The following PCDHA11 variants were observed in gnomAD, a reference collection of about 807,000 sequenced individuals.
PCDHA11 encodes protocadherin alpha-11.
A neutral mutation model predicts 70.3 loss-of-function variants in PCDHA11; 61 were observed. The observed-to-expected ratio is 0.87, with a 90% CI of 0.71 to 1.07. The LOEUF (loss-of-function observed/expected upper bound fraction) is 1.07. Ranked by LOEUF, PCDHA11 falls within the 50% of genes least tolerant of loss-of-function variation. The pLI is 0.00. For missense variants in PCDHA11, 1,324 were observed against 1,237.5 expected, an observed-to-expected ratio of 1.07 and a Z score of -1.05; for synonymous variants, 633 against 555.1, an observed-to-expected ratio of 1.14 and a Z score of -1.97.
intron 1 of PCDHA11, among the ~76,000 whole-genome samples, chr5:140,926,033 G>A (rs1554203080): frequency 6.6e-6 from 1 of 152,070 alleles, no homozygotes; most frequent in Non-Finnish European, 1.5e-5. Flanking sequence ...AGTTTGATGC[G>A]GACACTATTC....
chr5:140,870,917 G>A lies in PCDHA11; in HGVS notation c.1814G>A (p.Trp605Ter). The change falls in exon 1 of 4, where the codon TGG (tryptophan) becomes TAG (stop). Residue 605 changes from tryptophan to a stop codon, truncating the protein, a stop_gained. Transcript: ENST00000398640. LOFTEE classifies it high-confidence loss of function. ...GATGCGGACTCAGGCTACAACGCGTGGCTTTCATATGAATTGCAGCCGGCG... is the reference window on the plus strand; with the variant it reads ...GATGCGGACTCAGGCTACAACGCGTAGCTTTCATATGAATTGCAGCCGGCG... ...AVDADSGYNA[W>*]LSYELQPAAG... 6.2e-7 allele frequency: 1 copy of A among 1,613,936 alleles called. No homozygotes were observed. The highest frequency in any genetic ancestry group is 8.5e-7 in the Non-Finnish European group (1 of 1,179,896).
intron 1 of PCDHA11, chr5:140,883,535 C>A: frequency 6.2e-7 from 1 of 1,614,248 alleles, no homozygotes; most frequent in South Asian, 1.1e-5. Flanking sequence ...AGCCTATGAA[C>A]TGGTGGTGAC....
intron 1 of PCDHA11, among the ~76,000 whole-genome samples, chr5:140,958,853 G>T (rs897789588): frequency 1.3e-5 from 2 of 151,804 alleles, no homozygotes; most frequent in Non-Finnish European, 2.9e-5. Context: ...AGTGTCTTTG[G>T]TTTACTGGGT....
intron 1 of PCDHA11, chr5:140,877,128 G>C (rs782052511): frequency 3.1e-6 from 5 of 1,613,762 alleles, no homozygotes; most frequent in Non-Finnish European, 4.2e-6. Flanking sequence ...TGACGCTGCA[G>C]GTGTTCGTGC....
At chr5:140,927,925 C>G in intron 1 of PCDHA11, 4 of 1,614,214 alleles carry the variant, frequency 2.5e-6, no homozygotes, top group Non-Finnish European at 8.5e-7. Flanking sequence ...CTTCCTGACT[C>G]TTTCGAACCC....
intron 1 of PCDHA11, chr5:140,877,387 G>A: frequency 6.2e-7 from 1 of 1,614,010 alleles, no homozygotes; most frequent in Non-Finnish European, 8.5e-7. Flanking sequence ...CATCCTGGAT[G>A]AGGCGGACGC....
intron 3 of PCDHA11, among the ~76,000 whole-genome samples, chr5:140,985,288 A>G (rs1007960248): frequency 1.3e-5 from 2 of 152,112 alleles, no homozygotes; most frequent in African/African-American, 4.8e-5. Flanking sequence ...AATCTATGAT[A>G]TAGTGTTGGC....
At position 140,870,252 on chromosome 5, in the gene PCDHA11, GGTGACCT is replaced by G; in HGVS notation, c.1151_1157del (p.Val384AlafsTer3). The G allele has an allele frequency of 3.1e-6, 5 of 1,614,198 alleles. No homozygotes were observed. The highest frequency in any genetic ancestry group is 4.2e-6 in the Non-Finnish European group (5 of 1,180,040). Reference sequence around the variant, plus strand: ...ACCGTGACTCAGGTGTCAACGGACAGGTGACCTGCTCGCTGACGCCCCACGTTCCCTT... The same window carrying G: ...ACCGTGACTCAGGTGTCAACGGACAGGCTCGCTGACGCCCCACGTTCCCTT... On this transcript the variant is annotated frameshift_variant, in exon 1 of 4. Transcript: ENST00000398640. LOFTEE classifies it high-confidence loss of function.
chr5:141,006,448 C>T lies in PCDHA11; in HGVS notation c.2540-3179C>T, dbSNP rs968765348. ...CAGGATGGTCTCAATCTCCTGACCT[C>T]GAGATCTGCCTGTCTCGGCCTCCCA... On this transcript the variant is annotated intron_variant, in intron 3 of 3. Coordinates refer to ENST00000398640, the MANE Select transcript of PCDHA11 (RefSeq NM_018902.5). Among the ~76,000 whole-genome samples, 4 of 152,122 alleles carry T rather than the reference C, an allele frequency of 2.6e-5. No homozygotes were observed. In the East Asian group the frequency reaches 7.7e-4, roughly 29 times the overall value.
chr5:140,917,324 C>CGGGGG (rs1299895515), intron 1 of PCDHA11, among the ~76,000 whole-genome samples: 1 of 76,186 alleles, frequency 1.3e-5, no homozygotes, highest in Non-Finnish European at 2.9e-5. Flanking sequence ...GTTCATGTGG[C>CGGGGG]GGGGGAGGGG....
At chr5:140,959,494 T>G (rs2153722388) in intron 1 of PCDHA11, among the ~76,000 whole-genome samples, 1 of 152,286 alleles carries the variant, frequency 6.6e-6, no homozygotes, top group South Asian at 2.1e-4. Flanking sequence ...TATATATGGA[T>G]CAAACTAAAA....
intron 3 of PCDHA11, among the ~76,000 whole-genome samples, chr5:140,992,700 G>A (rs2097525204): frequency 6.6e-6 from 1 of 152,162 alleles, no homozygotes; most frequent in Non-Finnish European, 1.5e-5. Flanking sequence ...GGTGGGTAAT[G>A]TTCCTGCCAG....
rs1223679164 is a variant in PCDHA11 at position 140,870,165 on chromosome 5, G to T, written c.1062G>T (p.Leu354Phe). 1.2e-6 allele frequency: 2 copies of T among 1,614,138 alleles called. No individual in the cohort carries two copies. The highest frequency in any genetic ancestry group is 1.7e-6 in the Non-Finnish European group (2 of 1,180,034). Reference protein sequence around the residue: ...DNSPEVAVTSLSLPVREDAQP... With the variant: ...DNSPEVAVTSFSLPVREDAQP... ...CTCCTGAAGTCGCCGTGACTTCCTT[G>T]TCCCTCCCAGTACGAGAGGACGCTC... The change falls in exon 1 of 4, where the codon TTG (leucine) becomes TTT (phenylalanine). Residue 354 changes from leucine to phenylalanine, a missense_variant. By Grantham distance (22) the Leu-to-Phe change is conservative (BLOSUM62 0). Coordinates refer to ENST00000398640, the MANE Select transcript of PCDHA11 (RefSeq NM_018902.5).
In PCDHA11 at chr5:140,870,062, A is replaced by G. The variant is rs1554163774; in HGVS notation, c.959A>G (p.Gln320Arg). The change falls in exon 1 of 4, where the codon CAG becomes CGG. Residue 320 changes from glutamine (Q) to arginine (R), a missense_variant. By Grantham distance (43) the Gln-to-Arg change is conservative. Transcript: ENST00000398640. ...AACAAGTTTTATAAAATTGAAGTAC[A>G]GGCTACAGATAAGGGGACTCCCCCA... is the stretch of plus-strand genomic sequence containing the variant. The part of the protein sequence containing the change: ...EENKFYKIEV[Q>R]ATDKGTPPMA... 8 of 1,613,902 alleles carry G rather than the reference A, an allele frequency of 5.0e-6. No individual in the cohort carries two copies. The highest frequency in any genetic ancestry group is 3.3e-5 in the South Asian group (3 of 91,084).
chr5:140,976,378 C>G (rs908008970), intron 1 of PCDHA11, among the ~76,000 whole-genome samples: 2 of 151,926 alleles, frequency 1.3e-5, no homozygotes, highest in Non-Finnish European at 2.9e-5. Flanking sequence ...TGGTGAAACC[C>G]CATCTCTACT....
At chr5:140,910,357 T>C (rs1394310433) in intron 1 of PCDHA11, among the ~76,000 whole-genome samples, 3 of 152,226 alleles carry the variant, frequency 2.0e-5, no homozygotes, top group African/African-American at 7.2e-5. Flanking sequence ...CTGTCCATTA[T>C]GGTAGCTATG....
intron 1 of PCDHA11, chr5:140,927,810 G>A: frequency 2.5e-6 from 4 of 1,614,200 alleles, no homozygotes; most frequent in Non-Finnish European, 3.4e-6. Flanking sequence ...AAACGCTCTT[G>A]GAGGCATACA....
intron 1 of PCDHA11, chr5:140,876,311 G>A: frequency 1.2e-6 from 2 of 1,613,954 alleles, no homozygotes; most frequent in East Asian, 2.2e-5. Flanking sequence ...ATTTCCTATG[G>A]GATCAAAATG....
In PCDHA11 at chr5:140,876,419, A is replaced by G. The variant is rs2056334313; in HGVS notation, c.2391+4925A>G. On this transcript the variant is annotated intron_variant, in intron 1 of 3. Coordinates refer to ENST00000398640, the MANE Select transcript of PCDHA11 (RefSeq NM_018902.5). Reference sequence around the variant, plus strand: ...CTGGATTTTGAAGAGAATAATGCCTATGAAATTCAGGTTAACGCCATTGAT... The same window carrying G: ...CTGGATTTTGAAGAGAATAATGCCTGTGAAATTCAGGTTAACGCCATTGAT... 2.5e-6 allele frequency: 4 copies of G among 1,613,984 alleles called. No homozygotes were observed. In the East Asian group the frequency reaches 6.7e-5, roughly 27 times the overall value.
Sources: allele counts gnomAD v4.1 joint callset (sites outside exome capture counted in the v4.1 genomes callset), GRCh38; gene constraint gnomAD v4.1.1; transcripts MANE v1.5; gene names NCBI Gene and HGNC (gene_info 2026-07-23, HGNC 2026-07-21).